PTK2B: variants seen among roughly 807,000 people sequenced by gnomAD.
PTK2B encodes the protein protein tyrosine kinase 2 beta, also known as protein-tyrosine kinase 2-beta.
A neutral mutation model predicts 142.9 loss-of-function variants in PTK2B; 71 were observed. The observed-to-expected ratio is 0.50, with a 90% CI of 0.41 to 0.61. PTK2B has a LOEUF of 0.61. Among genes scored for constraint, PTK2B ranks in the 20% least tolerant of loss-of-function variants. The probability of loss-of-function intolerance (pLI) is 0.00; values close to 1 mark genes in which losing one functional copy is unlikely to be tolerated. For synonymous variants in PTK2B, 519 were observed against 503.4 expected, an observed-to-expected ratio of 1.03 and a Z score of -0.42; for missense variants, 1,105 against 1,320.4, an observed-to-expected ratio of 0.84 and a Z score of 2.53.
intron 2 of PTK2B, among the ~76,000 whole-genome samples, chr8:27,409,826 T>C (rs1012206829): frequency 6.6e-6 from 1 of 152,208 alleles, no homozygotes; most frequent in African/African-American, 2.4e-5. Flanking sequence ...GTTCAAGTGA[T>C]TGGCCTTCCT....
chr8:27,310,931 C>T, upstream of PTK2B: 1 of 1,612,464 alleles, frequency 6.2e-7, no homozygotes, highest in Non-Finnish European at 8.5e-7. Context: ...GCGGTGCAGG[C>T]GGCAGACACG....
intron 2 of PTK2B, among the ~76,000 whole-genome samples, chr8:27,402,156 C>T (rs1232727279): frequency 1.3e-5 from 2 of 152,090 alleles, no homozygotes; most frequent in African/African-American, 4.8e-5. Flanking sequence ...TCTTAACCAC[C>T]GTGATCAATG....
At chr8:27,431,524 C>T (rs772983837) in intron 9 of PTK2B, 52 bp downstream of exon 9, 100 of 1,606,368 alleles carry the variant, frequency 6.2e-5, no homozygotes, top group Non-Finnish European at 7.4e-5. Context: ...AGGTCGTCCC[C>T]TCTCTGCTGC....
chr8:27,437,268 G>A (rs1287376288), intron 16 of PTK2B, 62 bp downstream of exon 16: 6 of 1,565,208 alleles, frequency 3.8e-6, no homozygotes, highest in African/African-American at 2.7e-5. Flanking sequence ...TGGGAAGAGA[G>A]GGGTGAACAG....
At position 27,397,537 on chromosome 8, in the gene PTK2B, T is replaced by C. The variant is rs1254671456; in HGVS notation, c.-37-11T>C. 1 of 1,596,466 alleles carries C rather than the reference T, an allele frequency of 6.3e-7. No individual in the cohort carries two copies. The highest frequency in any genetic ancestry group is 1.1e-5 in the South Asian group (1 of 90,670). ...GGCTCTTTCAGGGCTGACCCTCTGC[T>C]GTCTCTGCAGGACTGCAATGTGCCG... On this transcript the variant is annotated splice_polypyrimidine_tract_variant and intron_variant, in intron 1 of 30. Transcript: ENST00000346049.
chr8:27,391,002 C>T (rs888774315), intron 1 of PTK2B, among the ~76,000 whole-genome samples: 1 of 152,030 alleles, frequency 6.6e-6, no homozygotes, highest in Non-Finnish European at 1.5e-5. Flanking sequence ...GTTAAATGTA[C>T]GCGCCTTCTC....
At chr8:27,397,840 C>T in intron 2 of PTK2B, 52 bp downstream of exon 2, 1 of 1,594,986 alleles carries the variant, frequency 6.3e-7, no homozygotes, top group Non-Finnish European at 8.6e-7. Flanking sequence ...TGTCTTCTTC[C>T]TGGGCAGCTG....
intron 9 of PTK2B, among the ~76,000 whole-genome samples, chr8:27,431,744 A>G (rs1345517933): frequency 6.6e-6 from 1 of 152,226 alleles, no homozygotes; most frequent in Non-Finnish European, 1.5e-5. Context: ...AGAGCTCAGC[A>G]GTGTTGCTCT....
intron 22 of PTK2B, 96 bp from the exon 23 acceptor site, chr8:27,444,110 C>A: frequency 1.6e-6 from 2 of 1,289,122 alleles, no homozygotes; most frequent in Non-Finnish European, 2.2e-6. Context: ...TCCTTTGGAA[C>A]AAGCCTGAGG....
At position 27,451,510 on chromosome 8, in the gene PTK2B, G is replaced by A. The variant is rs995687576; in HGVS notation, c.2548+1G>A. On this transcript the variant is annotated splice_donor_variant, in intron 27 of 30. Coordinates refer to ENST00000346049, the MANE Select transcript of PTK2B (RefSeq NM_173176.3). LOFTEE classifies it high-confidence loss of function. ...ACGCCAGAGAAGGAGGTCGGCTACC[G>A]TGAGTGTTCCCGCCCTTCTTCGGGG... is the stretch of plus-strand genomic sequence containing the variant. 2.5e-6 allele frequency: 4 copies of A among 1,614,152 alleles called. No individual in the cohort carries two copies. Among genetic ancestry groups the A allele is most frequent in the Admixed American group, 1.7e-5 (1 of 60,010 alleles).
intron 1 of PTK2B, among the ~76,000 whole-genome samples, chr8:27,327,733 C>T (rs1445467317): frequency 1.3e-5 from 2 of 152,158 alleles, no homozygotes; most frequent in Admixed American, 6.5e-5. Context: ...TCAGAAAAAA[C>T]GACATTAAAT....
chr8:27,334,802 T>G (rs1441700838), intron 1 of PTK2B, among the ~76,000 whole-genome samples: 1 of 152,228 alleles, frequency 6.6e-6, no homozygotes, highest in Non-Finnish European at 1.5e-5. Context: ...CCGAGTCTCT[T>G]GAATTCTTGC....
chr8:27,389,061 G>T (rs1006316318), intron 1 of PTK2B, among the ~76,000 whole-genome samples: 1 of 152,166 alleles, frequency 6.6e-6, no homozygotes, highest in African/African-American at 2.4e-5. Flanking sequence ...TCTCTTCTGT[G>T]ATCATCTGGT....
chr8:27,324,112 C>G (rs766460023), upstream of PTK2B, among the ~76,000 whole-genome samples: 2 of 152,240 alleles, frequency 1.3e-5, no homozygotes, highest in African/African-American at 4.8e-5. Context: ...TGCCCTCTGA[C>G]CATGTCCTTG....
At chr8:27,416,266 A>G (rs1471811912) in intron 2 of PTK2B, among the ~76,000 whole-genome samples, 2 of 152,208 alleles carry the variant, frequency 1.3e-5, no homozygotes, top group African/African-American at 4.8e-5. Context: ...ACCCTATTTG[A>G]CTTCAAGATC....
At chr8:27,450,421 C>T (rs948196807) in intron 24 of PTK2B, among the ~76,000 whole-genome samples, 2 of 152,114 alleles carry the variant, frequency 1.3e-5, no homozygotes, top group Non-Finnish European at 2.9e-5. Flanking sequence ...TATTAAATGA[C>T]AACAACCATC....
intron 23 of PTK2B, among the ~76,000 whole-genome samples, chr8:27,445,408 A>G (rs1173524813): frequency 6.6e-6 from 1 of 152,206 alleles, no homozygotes; most frequent in African/African-American, 2.4e-5. Context: ...GCAAGAGCCT[A>G]TCTGAATTTT....
intron 1 of PTK2B, among the ~76,000 whole-genome samples, chr8:27,354,270 C>G (rs1805269976): frequency 6.6e-6 from 1 of 152,156 alleles, no homozygotes; most frequent in South Asian, 2.1e-4. Flanking sequence ...GTGTCCATTT[C>G]TGGACTAACC....
At chr8:27,362,760 C>G (rs1417982054) in intron 1 of PTK2B, among the ~76,000 whole-genome samples, 1 of 152,180 alleles carries the variant, frequency 6.6e-6, no homozygotes. Context: ...AGGCAAAGAG[C>G]CGTTACCATG....
Sources: allele counts gnomAD v4.1 joint callset (sites outside exome capture counted in the v4.1 genomes callset), GRCh38; gene constraint gnomAD v4.1.1; transcripts MANE v1.5; gene names NCBI Gene and HGNC (gene_info 2026-07-23, HGNC 2026-07-21).